CRLS1: variants seen among roughly 807,000 people sequenced by gnomAD.
CRLS1 encodes the protein cardiolipin synthase 1.
Under a neutral mutation model 37.0 loss-of-function variants are expected in CRLS1, and 24 were observed. The observed-to-expected ratio is 0.65, with a 90% confidence interval of 0.47 to 0.91. The LOEUF (loss-of-function observed/expected upper bound fraction) is 0.91. Among genes scored for constraint, CRLS1 ranks in the 40% least tolerant of loss-of-function variants. The pLI is 0.00. For missense variants in CRLS1, 373 were observed against 395.8 expected (o/e 0.94, Z 0.49); for synonymous variants, 135 against 159.7 (o/e 0.85, Z 1.17).
intron 2 of CRLS1, among the ~76,000 whole-genome samples, chr20:6,012,989 G>T (rs1978451475): frequency 6.6e-6 from 1 of 152,118 alleles, no homozygotes; most frequent in Admixed American, 6.6e-5. Context: ...CTGGAGGGGT[G>T]GGGACGATTG....
At chr20:6,019,651 TTTC>T (rs1979070007) in intron 3 of CRLS1, among the ~76,000 whole-genome samples, 1 of 151,678 alleles carries the variant, frequency 6.6e-6, no homozygotes, top group South Asian at 2.1e-4. Context: ...TTTTATTTTT[TTTC>T]TTCTTCAGGT....
intron 3 of CRLS1, among the ~76,000 whole-genome samples, chr20:6,024,366 GATGCAGTGAACCCGTCAGAGTCATCC>G (rs1979509560): frequency 6.6e-6 from 1 of 152,156 alleles, no homozygotes; most frequent in Non-Finnish European, 1.5e-5. Flanking sequence ...ATTGCTTTGG[GATGCAGTGAACCCGTCAGAGTCATCC>G]ATGAGGGTTG....
intron 2 of CRLS1, among the ~76,000 whole-genome samples, chr20:6,013,466 G>T (rs1046787045): frequency 5.3e-5 from 8 of 152,248 alleles, no homozygotes; most frequent in African/African-American, 1.9e-4. Context: ...CACAGAAGGT[G>T]AGAGGGCATG....
intron 2 of CRLS1, among the ~76,000 whole-genome samples, chr20:6,013,105 TA>T (rs931025354): frequency 2.0e-5 from 3 of 152,032 alleles, no homozygotes; most frequent in Non-Finnish European, 4.4e-5. Flanking sequence ...AAGGGTCTTT[TA>T]AAAAGATATA....
At chr20:6,009,085 G>A (rs1274813859) in intron 1 of CRLS1, among the ~76,000 whole-genome samples, 1 of 152,190 alleles carries the variant, frequency 6.6e-6, no homozygotes, top group Non-Finnish European at 1.5e-5. Context: ...AGCACTTTGG[G>A]AGGCCGAGGC....
chr20:6,008,248 A>T (rs1478628276), intron 1 of CRLS1, among the ~76,000 whole-genome samples: 3 of 152,200 alleles, frequency 2.0e-5, no homozygotes, highest in Non-Finnish European at 4.4e-5. Context: ...GAAAGAGGTT[A>T]AAAGGGGTTC....
intron 1 of CRLS1, among the ~76,000 whole-genome samples, chr20:6,008,864 A>C (rs879245230): frequency 6.6e-6 from 1 of 152,140 alleles, no homozygotes; most frequent in Non-Finnish European, 1.5e-5. Flanking sequence ...TTTTCCTGAC[A>C]CTTTTACTTG....
intron 3 of CRLS1, among the ~76,000 whole-genome samples, chr20:6,018,075 A>T (rs1017759266): frequency 6.6e-6 from 1 of 151,798 alleles, no homozygotes; most frequent in African/African-American, 2.4e-5. Flanking sequence ...AATTAGCCAT[A>T]TGTGGTGGCA....
At chr20:6,020,257 ACTGTATATGT>A (rs1979147547) in intron 3 of CRLS1, among the ~76,000 whole-genome samples, 1 of 152,138 alleles carries the variant, frequency 6.6e-6, no homozygotes, top group South Asian at 2.1e-4. Context: ...TGCATATAAG[ACTGTATATGT>A]TCCTCTAAGT....
chr20:6,027,011 A>T (rs958762492), intron 3 of CRLS1, among the ~76,000 whole-genome samples: 19 of 152,194 alleles, frequency 1.2e-4, no homozygotes, highest in African/African-American at 4.6e-4. Context: ...GCGTGAAAGC[A>T]GCCATAGAAA....
intron 2 of CRLS1, among the ~76,000 whole-genome samples, chr20:6,010,859 A>G (rs2090123106): frequency 6.6e-6 from 1 of 152,202 alleles, no homozygotes. Context: ...TCTACAAAAA[A>G]TTTAAAAATT....
At chr20:6,006,636 A>C (rs1297751908) in intron 1 of CRLS1, 84 bp downstream of exon 1, 3 of 1,217,420 alleles carry the variant, frequency 2.5e-6, no homozygotes, top group Non-Finnish European at 3.1e-6. Context: ...TGGGTGGTGC[A>C]GCTCGGACGC....
At chr20:6,010,305 G>C (rs1423210770) in intron 2 of CRLS1, among the ~76,000 whole-genome samples, 1 of 152,142 alleles carries the variant, frequency 6.6e-6, no homozygotes, top group Non-Finnish European at 1.5e-5. Context: ...AAAAAAAGTT[G>C]GTTTTCCTAG....
intron 3 of CRLS1, among the ~76,000 whole-genome samples, chr20:6,017,029 TGACCCA>T (rs1978812971): frequency 6.6e-6 from 1 of 152,176 alleles, no homozygotes; most frequent in Non-Finnish European, 1.5e-5. Context: ...TCTCACTCTG[TGACCCA>T]GGCTGGAGTG....
At chr20:6,026,671 T>C (rs1979734947) in intron 3 of CRLS1, among the ~76,000 whole-genome samples, 1 of 152,138 alleles carries the variant, frequency 6.6e-6, no homozygotes, top group South Asian at 2.1e-4. Flanking sequence ...GAAAAGTTCA[T>C]TGGGAGCTCC....
At chr20:6,020,506 A>G (rs6085351) in intron 3 of CRLS1, among the ~76,000 whole-genome samples, 16,567 of 152,210 alleles carry the variant, frequency 0.11, 1,028 homozygotes, top group Middle Eastern at 0.21. Context: ...CTTTCAGCCC[A>G]CTACTGTCAG....
chr20:6,031,955 A>G (rs1225742764), intron 4 of CRLS1, 57 bp from the exon 5 acceptor site: 3 of 1,308,970 alleles, frequency 2.3e-6, no homozygotes, highest in Non-Finnish European at 3.3e-6. Flanking sequence ...TATTTTAAAT[A>G]AAAATGTTAT....
chr20:6,007,175 T>C, intron 1 of CRLS1: 1 of 1,330,014 alleles, frequency 7.5e-7, no homozygotes, highest in Non-Finnish European at 9.9e-7. Context: ...GAGCTTTTGA[T>C]GTCATGTTAG....
At chr20:6,020,389 A>G (rs1412438712) in intron 3 of CRLS1, among the ~76,000 whole-genome samples, 1 of 152,180 alleles carries the variant, frequency 6.6e-6, no homozygotes, top group African/African-American at 2.4e-5. Context: ...AAAAATAAAT[A>G]TATCTTAATT....
Sources: gnomAD v4.1 joint callset for allele counts (sites outside exome capture counted in the v4.1 genomes callset) on GRCh38, gnomAD v4.1.1 for gene constraint, MANE v1.5 for transcripts, NCBI Gene and HGNC (gene_info 2026-07-23, HGNC 2026-07-21) for gene names.